The following THRB variants were observed in gnomAD, a reference collection of about 807,000 sequenced individuals.
THRB encodes nuclear receptor subfamily 1 group A member 2.
A neutral mutation model predicts 47.8 loss-of-function variants in THRB; 12 were observed. That is an observed-to-expected ratio of 0.25 (90% CI 0.16 to 0.41). The LOEUF (loss-of-function observed/expected upper bound fraction) is 0.41. Ranked by LOEUF, THRB falls within the 10% of genes least tolerant of loss-of-function variation. THRB has a pLI of 1.00. For missense variants in THRB, 348 were observed against 589.2 expected (o/e 0.59, Z 4.24); for synonymous variants, 218 against 212.2 (o/e 1.03, Z -0.24).
intron 2 of THRB, among the ~76,000 whole-genome samples, chr3:24,317,886 A>G (rs1046499926): frequency 3.3e-5 from 5 of 152,002 alleles, no homozygotes; most frequent in African/African-American, 7.2e-5. Context: ...GCAAAACCTC[A>G]TCTCTACTAA....
chr3:24,309,658 T>A (rs2057611644), intron 2 of THRB, among the ~76,000 whole-genome samples: 1 of 152,226 alleles, frequency 6.6e-6, no homozygotes, highest in South Asian at 2.1e-4. Flanking sequence ...TGCTTTTAAC[T>A]AAAAATAATT....
intron 5 of THRB, among the ~76,000 whole-genome samples, chr3:24,172,609 C>T (rs1057018969): frequency 6.6e-6 from 1 of 151,968 alleles, no homozygotes; most frequent in East Asian, 1.9e-4. Context: ...CAAAAATGTG[C>T]TTGAAAAAGT....
At chr3:24,418,856 G>A (rs1056841714) in intron 1 of THRB, among the ~76,000 whole-genome samples, 3 of 151,890 alleles carry the variant, frequency 2.0e-5, no homozygotes, top group African/African-American at 7.2e-5. Context: ...TTTCCTCATA[G>A]GTACAACAAA....
At chr3:24,165,591 T>G in intron 5 of THRB, 2 of 457,136 alleles carry the variant, frequency 4.4e-6, no homozygotes, top group Non-Finnish European at 7.8e-6. Flanking sequence ...TTTTGAGCTC[T>G]TCTGCCATCC....
intron 3 of THRB, among the ~76,000 whole-genome samples, chr3:24,231,197 T>C (rs1163995073): frequency 2.0e-5 from 3 of 152,234 alleles, no homozygotes; most frequent in Non-Finnish European, 4.4e-5. Flanking sequence ...AATATTAAAA[T>C]ACAACATTAA....
At chr3:24,414,483 A>T (rs1187260099) in intron 1 of THRB, among the ~76,000 whole-genome samples, 3 of 151,878 alleles carry the variant, frequency 2.0e-5, no homozygotes, top group Admixed American at 1.3e-4. Flanking sequence ...CTTGTGTGAT[A>T]ATTCAGGCCA....
At chr3:24,234,330 A>T (rs1396783275) in intron 3 of THRB, among the ~76,000 whole-genome samples, 1 of 152,212 alleles carries the variant, frequency 6.6e-6, no homozygotes, top group Non-Finnish European at 1.5e-5. Context: ...GACTTTGATC[A>T]TTCTTAAAAT....
At chr3:24,133,025 A>C (rs1425448648) in intron 9 of THRB, among the ~76,000 whole-genome samples, 1 of 152,232 alleles carries the variant, frequency 6.6e-6, no homozygotes, top group Non-Finnish European at 1.5e-5. Flanking sequence ...CTAGGACAGC[A>C]TAGGTGCAGA....
chr3:24,282,682 C>T (rs9863888), intron 3 of THRB, among the ~76,000 whole-genome samples: 104,005 of 144,198 alleles, frequency 0.72, 37,927 homozygotes, highest in Middle Eastern at 0.83. Flanking sequence ...ATTGATAGAC[C>T]GCTAGCAAGA....
intron 1 of THRB, among the ~76,000 whole-genome samples, chr3:24,342,153 CAAAAAAA>C (rs10574941): frequency 7.2e-6 from 1 of 138,880 alleles, no homozygotes; most frequent in Non-Finnish European, 1.6e-5. Context: ...CTGTTGCGCT[CAAAAAAA>C]AAAAAAAAAA....
intron 1 of THRB, among the ~76,000 whole-genome samples, chr3:24,467,853 A>G (rs547760671): frequency 1.3e-5 from 2 of 151,104 alleles, no homozygotes; most frequent in South Asian, 4.2e-4. Context: ...CATCTGCTGC[A>G]TTAACCTCTA....
At chr3:24,327,043 G>A (rs1291415733) in intron 2 of THRB, among the ~76,000 whole-genome samples, 5 of 152,078 alleles carry the variant, frequency 3.3e-5, no homozygotes, top group Non-Finnish European at 5.9e-5. Context: ...GATTACAGGC[G>A]TGAGCCACTG....
intron 4 of THRB, among the ~76,000 whole-genome samples, chr3:24,218,063 G>A (rs2046761306): frequency 6.6e-6 from 1 of 151,984 alleles, no homozygotes; most frequent in Non-Finnish European, 1.5e-5. Flanking sequence ...TCAGGAGATC[G>A]AGACCATCCT....
intron 1 of THRB, among the ~76,000 whole-genome samples, chr3:24,470,715 C>T (rs540359645): frequency 5.1e-4 from 78 of 152,324 alleles, no homozygotes; most frequent in Admixed American, 2.3e-3. Flanking sequence ...CTCTCAGGTT[C>T]AAGCAATTCT....
intron 5 of THRB, among the ~76,000 whole-genome samples, chr3:24,167,635 C>T (rs1237624097): frequency 6.6e-6 from 1 of 152,090 alleles, no homozygotes; most frequent in Non-Finnish European, 1.5e-5. Context: ...TTGGCAAATG[C>T]ACATGTTCCA....
intron 9 of THRB, among the ~76,000 whole-genome samples, chr3:24,128,185 T>G (rs1162170481): frequency 6.6e-6 from 1 of 152,198 alleles, no homozygotes; most frequent in Non-Finnish European, 1.5e-5. Flanking sequence ...ACCCTACTGT[T>G]TAGCTGGCAA....
At chr3:24,185,734 C>T (rs2042488708) in intron 5 of THRB, among the ~76,000 whole-genome samples, 1 of 152,162 alleles carries the variant, frequency 6.6e-6, no homozygotes, top group Non-Finnish European at 1.5e-5. Context: ...CTGGGTTCAG[C>T]AGGGCTGGTT....
intron 2 of THRB, among the ~76,000 whole-genome samples, chr3:24,318,126 C>A (rs143650428): frequency 5.9e-5 from 9 of 152,258 alleles, no homozygotes; most frequent in Middle Eastern, 3.4e-3. Context: ...TGAGTAGAAG[C>A]GAAAATTCAG....
chr3:24,417,273 C>T (rs1003539037), intron 1 of THRB, among the ~76,000 whole-genome samples: 1 of 151,806 alleles, frequency 6.6e-6, no homozygotes, highest in African/African-American at 2.4e-5. Flanking sequence ...TGAGAGAACA[C>T]GCTAATAATG....
Sources: gnomAD v4.1 joint callset for allele counts (sites outside exome capture counted in the v4.1 genomes callset) on GRCh38, gnomAD v4.1.1 for gene constraint, MANE v1.5 for transcripts, NCBI Gene and HGNC (gene_info 2026-07-23, HGNC 2026-07-21) for gene names.